Variants in PNPLA1 observed in about 807,000 individuals in gnomAD.
PNPLA1 encodes the protein omega-hydroxyceramide transacylase.
In PNPLA1, 36 loss-of-function variants were observed where a neutral mutation model predicts 51.7. The observed-to-expected ratio is 0.70, with a 90% CI of 0.53 to 0.92. PNPLA1 has a LOEUF of 0.92. Among genes scored for constraint, PNPLA1 ranks in the 40% least tolerant of loss-of-function variants. PNPLA1 has a pLI of 0.00. For synonymous variants in PNPLA1, 293 were observed against 280.1 expected, an observed-to-expected ratio of 1.05 and a Z score of -0.46; for missense variants, 658 against 682.5, an observed-to-expected ratio of 0.96 and a Z score of 0.40.
At chr6:36,287,435 A>T (rs946011888) in intron 1 of PNPLA1, among the ~76,000 whole-genome samples, 6 of 152,142 alleles carry the variant, frequency 3.9e-5, no homozygotes, top group African/African-American at 1.2e-4. Context: ...TGATCAGGAC[A>T]CATTGGGTCC....
chr6:36,266,124 G>C (rs181531171), upstream of PNPLA1, among the ~76,000 whole-genome samples: 5 of 152,302 alleles, frequency 3.3e-5, no homozygotes, highest in Admixed American at 3.3e-4. Flanking sequence ...GATACCCACT[G>C]GCAACCAGAA....
chr6:36,293,118 C>G lies in PNPLA1; in HGVS notation c.496C>G (p.Arg166Gly), dbSNP rs372072356. The change falls in exon 3 of 9, where the codon CGC (arginine) becomes GGC (glycine). Residue 166 changes from arginine (R) to glycine (G), a missense_variant. Transcript: ENST00000636260. ...CTGTGGCCTCATCCCCCCGACTTAC[C>G]GCGGTGTGGTGAGTGCTTCGGCATG... Reference protein sequence around the residue: ...VYCGLIPPTYRGVRYIDGGFT... With the variant: ...VYCGLIPPTYGGVRYIDGGFT... The G allele has an allele frequency of 6.2e-7, 1 of 1,614,036 alleles. No individual in the cohort carries two copies. Among genetic ancestry groups the G allele is most frequent in the Non-Finnish European group, 8.5e-7 (1 of 1,179,912 alleles).
At chr6:36,280,615 G>A (rs1210573042) in intron 1 of PNPLA1, among the ~76,000 whole-genome samples, 6 of 152,146 alleles carry the variant, frequency 3.9e-5, no homozygotes, top group Admixed American at 2.6e-4. Context: ...GCCCAAGAAC[G>A]TAGTCCCTGT....
chr6:36,273,018 G>C (rs1269916609), intron 1 of PNPLA1, among the ~76,000 whole-genome samples: 1 of 152,090 alleles, frequency 6.6e-6, no homozygotes, highest in African/African-American at 2.4e-5. Flanking sequence ...ACTTTGGAAG[G>C]CTGAGACAGG....
Position 36,257,571 on chromosome 6 carries a change from G to A in PNPLA1, c.-81+14310G>A, listed in dbSNP as rs1424497837. On this transcript the variant is annotated intron_variant, in intron 1 of 7. Coordinates refer to the PNPLA1 transcript ENST00000312917. ...GCTTGTTTGTCTTTTTCTTTCAGAT[G>A]TTGTATTTTTCAGTGCTAGAATTCC... 3.9e-5 allele frequency among the ~76,000 whole-genome samples: 6 copies of A among 152,318 alleles called. No individual in the cohort carries two copies. The South Asian group carries it at 8.3e-4, about 21-fold the overall frequency.
upstream of PNPLA1, among the ~76,000 whole-genome samples, chr6:36,269,846 T>C (rs937375335): frequency 6.6e-6 from 1 of 152,206 alleles, no homozygotes; most frequent in Non-Finnish European, 1.5e-5. Context: ...ACATCACACA[T>C]ACCACATAGC....
intron 1 of PNPLA1, among the ~76,000 whole-genome samples, chr6:36,255,811 G>A (rs919460677): frequency 1.4e-4 from 21 of 152,136 alleles, no homozygotes; most frequent in African/African-American, 5.1e-4. Flanking sequence ...TAACAATGCC[G>A]CTAACATCTC....
At chr6:36,248,223 G>GA (rs1319436958) in intron 1 of PNPLA1, among the ~76,000 whole-genome samples, 2 of 152,116 alleles carry the variant, frequency 1.3e-5, no homozygotes, top group Non-Finnish European at 2.9e-5. Flanking sequence ...TAAAATAAAA[G>GA]AAAAATGCAG....
At chr6:36,253,547 C>T (rs559536159) in intron 1 of PNPLA1, among the ~76,000 whole-genome samples, 3 of 152,260 alleles carry the variant, frequency 2.0e-5, no homozygotes, top group South Asian at 4.1e-4. Context: ...GTGATCATAG[C>T]TTACTGTAGC....
intron 1 of PNPLA1, among the ~76,000 whole-genome samples, chr6:36,288,033 C>G (rs1770555761): frequency 6.6e-6 from 1 of 152,112 alleles, no homozygotes; most frequent in African/African-American, 2.4e-5. Context: ...GTCACCCAAC[C>G]CTACCCCTGA....
At chr6:36,264,689 G>A (rs762425153) in intron 1 of PNPLA1, among the ~76,000 whole-genome samples, 1 of 152,162 alleles carries the variant, frequency 6.6e-6, no homozygotes, top group Non-Finnish European at 1.5e-5. Context: ...GTAGTAAAAT[G>A]TTAAGATTTC....
At chr6:36,304,062 G>T (rs137911111) in intron 6 of PNPLA1, among the ~76,000 whole-genome samples, 18 of 152,204 alleles carry the variant, frequency 1.2e-4, no homozygotes, top group African/African-American at 4.1e-4. Context: ...ATGCTCAGGT[G>T]CAGTGCAGGA....
intron 1 of PNPLA1, among the ~76,000 whole-genome samples, chr6:36,279,011 G>T (rs1023975066): frequency 6.6e-6 from 1 of 152,190 alleles, no homozygotes; most frequent in Non-Finnish European, 1.5e-5. Context: ...TGGCCAGAAG[G>T]CCCCTCTGAG....
At chr6:36,246,851 T>A (rs542582460) in intron 1 of PNPLA1, among the ~76,000 whole-genome samples, 2 of 152,256 alleles carry the variant, frequency 1.3e-5, no homozygotes, top group Non-Finnish European at 2.9e-5. Flanking sequence ...AAACAAAAGG[T>A]TCTTCCCACA....
chr6:36,282,142 A>G (rs1282069831), intron 1 of PNPLA1, among the ~76,000 whole-genome samples: 1 of 146,542 alleles, frequency 6.8e-6, no homozygotes, highest in Non-Finnish European at 1.5e-5. Context: ...GGAAGGAAAG[A>G]GAGACAGAGA....
At chr6:36,267,719 G>A (rs190644780), upstream of PNPLA1, among the ~76,000 whole-genome samples, 90 of 152,126 alleles carry the variant, frequency 5.9e-4, no homozygotes, top group South Asian at 1.9e-3. Context: ...ACCCTCCTCC[G>A]CCTGCTTACC....
At chr6:36,252,199 G>A (rs1221500213) in intron 1 of PNPLA1, among the ~76,000 whole-genome samples, 1 of 152,128 alleles carries the variant, frequency 6.6e-6, no homozygotes, top group East Asian at 1.9e-4. Flanking sequence ...AGCCTCCCCT[G>A]CAGCTCAGGC....
At position 36,270,315 on chromosome 6, in the gene PNPLA1, A is replaced by C. The variant is rs533937845; in HGVS notation, c.-145A>C. ...TTCCTGAGCAGCCTGTGGTTGCTCCAGCCGGGTAGAGACAGCCACATTCCA... is the reference window on the plus strand; with the variant it reads ...TTCCTGAGCAGCCTGTGGTTGCTCCCGCCGGGTAGAGACAGCCACATTCCA... On this transcript the variant is annotated 5_prime_UTR_variant, in exon 1 of 9. Coordinates refer to ENST00000636260, the MANE Select transcript of PNPLA1 (RefSeq NM_001374623.1). The C allele has an allele frequency of 1.2e-6, 1 of 818,952 alleles. No homozygotes were observed. Among genetic ancestry groups the C allele is most frequent in the Non-Finnish European group, 2.0e-6 (1 of 507,816 alleles). 50.7% of individuals were successfully genotyped at this position (818,952 alleles called of 1,614,324 possible).
intron 1 of PNPLA1, among the ~76,000 whole-genome samples, chr6:36,251,569 A>G (rs1474931240): frequency 1.3e-5 from 2 of 152,198 alleles, no homozygotes; most frequent in East Asian, 3.8e-4. Context: ...CCCTGCTGCC[A>G]GTGAAGGTTC....
Sources: allele counts gnomAD v4.1 joint callset (sites outside exome capture counted in the v4.1 genomes callset), GRCh38; gene constraint gnomAD v4.1.1; transcripts MANE v1.5; gene names NCBI Gene and HGNC (gene_info 2026-07-23, HGNC 2026-07-21).